CD99: variants seen among roughly 807,000 people sequenced by gnomAD.
The protein encoded by CD99 is CD99 antigen.
In CD99, 19 loss-of-function variants were observed where a neutral mutation model predicts 28.4. The observed-to-expected ratio is 0.67, with a 90% CI of 0.47 to 0.98. The LOEUF is 0.98. CD99 is among the 50% of genes least tolerant of loss of function. The pLI is 0.00. For missense variants in CD99, 283 were observed against 248.8 expected, an observed-to-expected ratio of 1.14 and a Z score of -0.92; for synonymous variants, 103 against 92.1, an observed-to-expected ratio of 1.12 and a Z score of -0.67.
chrX:2,700,849 T>TCATC (rs999423703), intron 1 of CD99, among the ~76,000 whole-genome samples: 9 of 150,102 alleles, frequency 6.0e-5, no homozygotes, highest in African/African-American at 1.5e-4. Context: ...ACCTATCTGT[T>TCATC]CATCCATCCA....
intron 8 of CD99, among the ~76,000 whole-genome samples, chrX:2,731,729 G>A (rs780237726): frequency 2.0e-4 from 30 of 152,244 alleles, no homozygotes; most frequent in Non-Finnish European, 2.1e-4. Flanking sequence ...AGTCCCAGGC[G>A]AGTGAGTAGA....
intron 8 of CD99, among the ~76,000 whole-genome samples, chrX:2,728,248 A>G (rs970809029): frequency 7.8e-6 from 1 of 128,690 alleles, no homozygotes; most frequent in African/African-American, 3.1e-5. Context: ...TCTGTCACCC[A>G]GGCTGGAATG....
chrX:2,709,633 G>A (rs928216356), intron 1 of CD99, among the ~76,000 whole-genome samples: 9 of 152,150 alleles, frequency 5.9e-5, no homozygotes, highest in African/African-American at 2.2e-4. Context: ...CCACATGAAT[G>A]CATGAGCACG....
intron 8 of CD99, among the ~76,000 whole-genome samples, chrX:2,729,107 A>G (rs1248997462): frequency 6.6e-6 from 1 of 152,092 alleles, no homozygotes; most frequent in Non-Finnish European, 1.5e-5. Context: ...AAGTGTTGGG[A>G]TTATAGGCGT....
intron 7 of CD99, 101 bp from the exon 8 acceptor site, chrX:2,726,159 T>C: frequency 1.4e-6 from 1 of 699,380 alleles, no homozygotes; most frequent in Non-Finnish European, 2.5e-6. Flanking sequence ...TCTGAGGATC[T>C]TGGTGCTCTC....
chrX:2,727,075 T>G (rs932034618), intron 8 of CD99, among the ~76,000 whole-genome samples: 1 of 152,168 alleles, frequency 6.6e-6, no homozygotes, highest in African/African-American at 2.4e-5. Flanking sequence ...AGGCAGAGCT[T>G]GCAGTGAGCT....
In CD99 at chrX:2,727,061, T is replaced by C. The variant is rs770780898; in HGVS notation, c.475+688T>C. On this transcript the variant is annotated intron_variant, in intron 8 of 9. Coordinates refer to ENST00000381192, the MANE Select transcript of CD99 (RefSeq NM_002414.5). ...CTGAGGCAGGAGAATGGTGTGAACC[T>C]GGGAGGCAGAGCTTGCAGTGAGCTG... Among the ~76,000 whole-genome samples, 10 of 152,244 alleles carry C rather than the reference T, an allele frequency of 6.6e-5. No individual in the cohort carries two copies. The East Asian group carries it at 9.6e-4, about 15-fold the overall frequency.
intron 1 of CD99, 136 bp downstream of exon 1, chrX:2,691,563 G>C: frequency 1.1e-6 from 1 of 938,950 alleles, no homozygotes. Flanking sequence ...GACGCGCTGT[G>C]CCCACGGGGG....
intron 1 of CD99, among the ~76,000 whole-genome samples, chrX:2,697,760 T>A (rs1257842651): frequency 1.3e-5 from 2 of 152,074 alleles, no homozygotes; most frequent in Non-Finnish European, 2.9e-5. Context: ...CTAGCTGTCT[T>A]CTTCTGGGGG....
chrX:2,717,505 C>G, intron 2 of CD99, 100 bp from the exon 3 acceptor site: 7 of 961,738 alleles, frequency 7.3e-6, no homozygotes, highest in Non-Finnish European at 1.2e-5. Flanking sequence ...AAACATTCTC[C>G]GACTGTTTCC....
intron 2 of CD99, chrX:2,714,995 G>A (rs2048618530): frequency 6.5e-6 from 1 of 153,016 alleles, no homozygotes; most frequent in Admixed American, 6.5e-5. Context: ...AACTTGCCAG[G>A]TCCTTGGGGA....
At chrX:2,708,420 C>G (rs988563394) in intron 1 of CD99, among the ~76,000 whole-genome samples, 6 of 152,012 alleles carry the variant, frequency 3.9e-5, no homozygotes, top group African/African-American at 7.2e-5. Flanking sequence ...GACTCTGTAT[C>G]TGGGAGAAAG....
rs764642902 is a variant in CD99, at chrX:2,713,641, C to G, written c.68-781C>G. Among the ~76,000 whole-genome samples the G allele has an allele frequency of 4.6e-5, 7 of 152,330 alleles. No individual in the cohort carries two copies. The South Asian group carries it at 1.4e-3, about 32-fold the overall frequency. Reference sequence around the variant, plus strand: ...CCTGTTGTGGAACTGGACACACTTCCGGTGTTCACAGGGCTCCTGCGGGTT... The same window carrying G: ...CCTGTTGTGGAACTGGACACACTTCGGGTGTTCACAGGGCTCCTGCGGGTT... On this transcript the variant is annotated intron_variant, in intron 1 of 9. Transcript: ENST00000381192.
At chrX:2,716,343 T>A (rs867007079) in intron 2 of CD99, among the ~76,000 whole-genome samples, 3 of 67,378 alleles carry the variant, frequency 4.5e-5, no homozygotes, top group South Asian at 5.3e-4. Context: ...TATGTTTTAC[T>A]TTTTTTTTTC....
chrX:2,724,368 T>C (rs1163510379), intron 7 of CD99, among the ~76,000 whole-genome samples: 2 of 152,090 alleles, frequency 1.3e-5, no homozygotes, highest in Non-Finnish European at 2.9e-5. Flanking sequence ...TTGGAGCCAG[T>C]GTTTTTGCTG....
chrX:2,711,845 G>C (rs1306660130), intron 1 of CD99, among the ~76,000 whole-genome samples: 1 of 152,076 alleles, frequency 6.6e-6, no homozygotes, highest in Non-Finnish European at 1.5e-5. Flanking sequence ...TTCAAGACCA[G>C]CCTGGCCAAC....
chrX:2,694,521 G>T (rs2047483438), intron 1 of CD99, among the ~76,000 whole-genome samples: 1 of 13,022 alleles, frequency 7.7e-5, no homozygotes. Flanking sequence ...AGAGGCCGAG[G>T]GCCGGTGGGT....
chrX:2,735,288 T>TA, intron 8 of CD99, among the ~76,000 whole-genome samples: 1 of 152,360 alleles, frequency 6.6e-6, no homozygotes, highest in Non-Finnish European at 1.5e-5. Flanking sequence ...TGAATGGTTC[T>TA]AATAGCTACA....
chrX:2,735,748 A>G (rs1423382649), intron 8 of CD99, among the ~76,000 whole-genome samples: 3 of 152,176 alleles, frequency 2.0e-5, no homozygotes, highest in African/African-American at 7.2e-5. Flanking sequence ...TTTTCGGATC[A>G]TTTCGAATGT....
Sources: allele counts gnomAD v4.1 joint callset (sites outside exome capture counted in the v4.1 genomes callset), GRCh38; gene constraint gnomAD v4.1.1; transcripts MANE v1.5; gene names NCBI Gene and HGNC (gene_info 2026-07-23, HGNC 2026-07-21).